KCNQ1: variants seen among roughly 807,000 people sequenced by gnomAD.
The protein encoded by KCNQ1 is potassium voltage-gated channel subfamily Q member 1.
Under a neutral mutation model 72.4 loss-of-function variants are expected in KCNQ1, and 49 were observed. That is an observed-to-expected ratio of 0.68 (90% CI 0.54 to 0.86). The LOEUF (loss-of-function observed/expected upper bound fraction) is 0.86. KCNQ1 is among the 40% of genes least tolerant of loss of function. The pLI is 0.00. For missense variants in KCNQ1, 790 were observed against 945.1 expected (o/e 0.84, Z 2.15); for synonymous variants, 450 against 412.6 (o/e 1.09, Z -1.10).
chr11:2,754,843 T>C (rs1374499239), intron 11 of KCNQ1, among the ~76,000 whole-genome samples: 2 of 152,208 alleles, frequency 1.3e-5, no homozygotes, highest in African/African-American at 2.4e-5. Context: ...AAGAAAAACA[T>C]TGGTCAATTC....
chr11:2,481,857 T>C lies in KCNQ1; in HGVS notation c.386+36373T>C, dbSNP rs1218623153. ...TGATTCTACATTATGGTGAGTTGTA[T>C]AATTATTTAATTCTATATTACAATG... On this transcript the variant is annotated intron_variant, in intron 1 of 15. Coordinates refer to ENST00000155840, the MANE Select transcript of KCNQ1 (RefSeq NM_000218.3). This position sits in a 1 kb window ranked among gnomAD's most constrained non-coding sequence, Gnocchi z 4.6. Among the ~76,000 whole-genome samples, 1 of 152,186 alleles carries C rather than the reference T, an allele frequency of 6.6e-6. No individual in the cohort carries two copies. Among genetic ancestry groups the C allele is most frequent in the Non-Finnish European group, 1.5e-5 (1 of 68,030 alleles).
rs1210445896 is a variant in KCNQ1, at chr11:2,509,987, G to A, written c.387-17941G>A. ...TTTCCTGGTGTTTAAAGGCTAATTGGGATCGGTCGTGGTGCCTCAGGCCTG... is the reference window on the plus strand; with the variant it reads ...TTTCCTGGTGTTTAAAGGCTAATTGAGATCGGTCGTGGTGCCTCAGGCCTG... On this transcript the variant is annotated intron_variant, in intron 1 of 15. Coordinates refer to ENST00000155840, the MANE Select transcript of KCNQ1 (RefSeq NM_000218.3). The surrounding 1 kb of genome is among the most constrained non-coding windows in gnomAD (Gnocchi z 6.3). Among the ~76,000 whole-genome samples the A allele has an allele frequency of 2.6e-5, 4 of 152,124 alleles. No individual in the cohort carries two copies. The highest frequency in any genetic ancestry group is 4.4e-5 in the Non-Finnish European group (3 of 68,036).
chr11:2,834,602 C>T (rs4930009), intron 15 of KCNQ1, among the ~76,000 whole-genome samples: 3 of 152,186 alleles, frequency 2.0e-5, no homozygotes, highest in South Asian at 4.2e-4. Context: ...AGAGACTGTG[C>T]GAGCAGAGGC....
At chr11:2,539,296 GCTCCTAC>G (rs1247370398) in intron 2 of KCNQ1, among the ~76,000 whole-genome samples, 2 of 152,232 alleles carry the variant, frequency 1.3e-5, no homozygotes, top group Non-Finnish European at 2.9e-5. Context: ...CCAGGTAGAA[GCTCCTAC>G]CTGCTGCTGC....
In KCNQ1 at chr11:2,550,336, G is replaced by A. The variant is rs866870430; in HGVS notation, c.478-20292G>A. ...ACACTGCAGCATCTGCATCCTTGCC[G>A]TCACCCCTCACACCCCCTGCTAGGG... is the stretch of plus-strand genomic sequence containing the variant. On this transcript the variant is annotated intron_variant, in intron 2 of 15. Transcript: ENST00000155840. This position sits in a 1 kb window ranked among gnomAD's most constrained non-coding sequence, Gnocchi z 6.0. 6.6e-6 allele frequency among the ~76,000 whole-genome samples: 1 copy of A among 152,176 alleles called. No individual in the cohort carries two copies. The highest frequency in any genetic ancestry group is 1.5e-5 in the Non-Finnish European group (1 of 68,018).
rs571999397 is a variant in KCNQ1, at chr11:2,451,367, A to G, written c.386+5883A>G. 3.5e-4 allele frequency among the ~76,000 whole-genome samples: 54 copies of G among 152,172 alleles called. No homozygotes were observed. Among genetic ancestry groups the G allele is most frequent in the Non-Finnish European group, 7.1e-4 (48 of 67,986 alleles). On this transcript the variant is annotated intron_variant, in intron 1 of 15. Coordinates refer to ENST00000155840, the MANE Select transcript of KCNQ1 (RefSeq NM_000218.3). This position sits in a 1 kb window ranked among gnomAD's most constrained non-coding sequence, Gnocchi z 6.4. ...GCTGATCCAACAGGAGGTAGAGCTC[A>G]GGTGGCCGTGCACATTCACCTGACG...
At position 2,475,273 on chromosome 11, in the gene KCNQ1, G is replaced by A. The variant is rs149422685; in HGVS notation, c.386+29789G>A. Among the ~76,000 whole-genome samples, 739 of 152,132 alleles carry A rather than the reference G, an allele frequency of 4.9e-3. 3 individuals are homozygous for A. The highest frequency in any genetic ancestry group is 0.017 in the African/African-American group (693 of 41,486). ...GTGTGTCTGGTTTCCTTCACCGAGC[G>A]TCCTGTCTTCACTGTCCGCCGTGTT... On this transcript the variant is annotated intron_variant, in intron 1 of 15. Coordinates refer to ENST00000155840, the MANE Select transcript of KCNQ1 (RefSeq NM_000218.3). The surrounding 1 kb of genome is among the most constrained non-coding windows in gnomAD (Gnocchi z 5.8).
intron 15 of KCNQ1, among the ~76,000 whole-genome samples, chr11:2,797,192 AG>A (rs1847154819): frequency 6.6e-6 from 1 of 152,092 alleles, no homozygotes; most frequent in Admixed American, 6.5e-5. Flanking sequence ...CCCTGTGAAG[AG>A]GAGGACAGTG....
rs999223349 is a variant in KCNQ1 at position 2,458,913 on chromosome 11, G to T, written c.386+13429G>T. Reference sequence around the variant, plus strand: ...CCACCAATTGTGACATATGGCCTTAGTTAGGTCCTCAATAAATGATGACAA... The same window carrying T: ...CCACCAATTGTGACATATGGCCTTATTTAGGTCCTCAATAAATGATGACAA... On this transcript the variant is annotated intron_variant, in intron 1 of 15. Transcript: ENST00000155840. This position sits in a 1 kb window ranked among gnomAD's most constrained non-coding sequence, Gnocchi z 4.6. Among the ~76,000 whole-genome samples, 2 of 152,208 alleles carry T rather than the reference G, an allele frequency of 1.3e-5. No homozygotes were observed. Among genetic ancestry groups the T allele is most frequent in the Non-Finnish European group, 2.9e-5 (2 of 68,036 alleles).
intron 10 of KCNQ1, chr11:2,640,657 A>G: frequency 2.5e-6 from 1 of 397,970 alleles, no homozygotes; most frequent in Admixed American, 4.4e-5. Context: ...CAGGGTATCC[A>G]TCACCCTCAA....
chr11:2,841,280 G>A (rs1424224716), intron 15 of KCNQ1, among the ~76,000 whole-genome samples: 3 of 152,192 alleles, frequency 2.0e-5, no homozygotes, highest in Admixed American at 6.5e-5. Context: ...GCCTCTGGGG[G>A]CACTGCAAAA....
intron 2 of KCNQ1, among the ~76,000 whole-genome samples, chr11:2,554,540 G>A (rs1014521785): frequency 7.9e-5 from 12 of 152,202 alleles, no homozygotes; most frequent in Non-Finnish European, 1.8e-4. Context: ...CTGAGAGGGG[G>A]CCTGGGCTGG....
rs1590131134 is a variant in KCNQ1 at position 2,848,523 on chromosome 11, C to G, written c.*520C>G. Reference sequence around the variant, plus strand: ...CAGGAGCCCATTTGGAGGGCCTGGGCCTGGCTCCCTCACTCTCAGGAAATG... The same window carrying G: ...CAGGAGCCCATTTGGAGGGCCTGGGGCTGGCTCCCTCACTCTCAGGAAATG... On this transcript the variant is annotated 3_prime_UTR_variant, in exon 16 of 16. Transcript: ENST00000155840. 2 of 454,768 alleles carry G rather than the reference C, an allele frequency of 4.4e-6. No homozygotes were observed. Among genetic ancestry groups the G allele is most frequent in the Non-Finnish European group, 8.8e-6 (2 of 227,264 alleles). The allele number at this position is 454,768 out of a possible 1,614,324, so 28.2% of individuals were successfully genotyped here.
chr11:2,747,441 TGCAGCCTTGCACCCTGGG>T (rs529732319), intron 11 of KCNQ1, among the ~76,000 whole-genome samples: 1 of 152,216 alleles, frequency 6.6e-6, no homozygotes, highest in East Asian at 1.9e-4. Flanking sequence ...TGCCCAGCGG[TGCAGCCTTGCACCCTGGG>T]GCAGCCGGTG....
rs1299891434 is a variant in KCNQ1 at position 2,651,085 on chromosome 11, C to G, written c.1394-10876C>G. 1 of 398,636 alleles carries G rather than the reference C, an allele frequency of 2.5e-6. No homozygotes were observed. Among genetic ancestry groups the G allele is most frequent in the Non-Finnish European group, 4.4e-6 (1 of 226,158 alleles). The allele number at this position is 398,636 out of a possible 1,614,324, so 24.7% of individuals were successfully genotyped here. ...GTTGTCCATACCTCATTACTGGTCT[C>G]TTGATTTCCACTCTTGCTTCCTGTA... On this transcript the variant is annotated intron_variant, in intron 10 of 15. Transcript: ENST00000155840. This position sits in a 1 kb window ranked among gnomAD's most constrained non-coding sequence, Gnocchi z 6.1.
rs1847289244 is a variant in KCNQ1, at chr11:2,516,364, C to G, written c.387-11564C>G. Among the ~76,000 whole-genome samples, 1 of 151,974 alleles carries G rather than the reference C, an allele frequency of 6.6e-6. No homozygotes were observed. The highest frequency in any genetic ancestry group is 2.4e-5 in the African/African-American group (1 of 41,356). On this transcript the variant is annotated intron_variant, in intron 1 of 15. Transcript: ENST00000155840. This position sits in a 1 kb window ranked among gnomAD's most constrained non-coding sequence, Gnocchi z 7.0. ...TCCCAGCGTCCCCTCATGCCTGGGA[C>G]CGCTGACCCACCGGGATTCTTGGGG...
intron 1 of KCNQ1, among the ~76,000 whole-genome samples, chr11:2,512,475 C>T (rs888194278): frequency 4.6e-5 from 7 of 152,204 alleles, no homozygotes; most frequent in Admixed American, 1.3e-4. Flanking sequence ...ATGGGACACA[C>T]GGCCACCTGG....
rs1554925302 is a variant in KCNQ1 at position 2,803,161 on chromosome 11, C to CCT, written c.1794+25125_1794+25126insTC. On this transcript the variant is annotated intron_variant, in intron 15 of 15. Coordinates refer to ENST00000155840, the MANE Select transcript of KCNQ1 (RefSeq NM_000218.3). This position sits in a 1 kb window ranked among gnomAD's most constrained non-coding sequence, Gnocchi z 6.4. ...CCCAGAAAACCCAGCCGGGCCCCCC[C>CCT]CCCCACGGGCACCCAGGAACCGCCC... 0.58 allele frequency among the ~76,000 whole-genome samples: 87,710 copies of CCT among 150,760 alleles called. 26,777 individuals are homozygous for CCT. The highest frequency in any genetic ancestry group is 0.69 in the Non-Finnish European group (46,940 of 67,896).
Position 2,735,522 on chromosome 11 carries a change from C to G in KCNQ1, c.1515-33322C>G, listed in dbSNP as rs1280649286. On this transcript the variant is annotated intron_variant, in intron 11 of 15. Transcript: ENST00000155840. This position sits in a 1 kb window ranked among gnomAD's most constrained non-coding sequence, Gnocchi z 7.7. ...GCCCCTCACCCACCCATCCACACCC[C>G]GCAGGCATCCTAGGGCCTGGCCCAC... Among the ~76,000 whole-genome samples the G allele has an allele frequency of 6.6e-6, 1 of 152,136 alleles. No homozygotes were observed. The highest frequency in any genetic ancestry group is 6.5e-5 in the Admixed American group (1 of 15,280).
Sources: allele counts gnomAD v4.1 joint callset (sites outside exome capture counted in the v4.1 genomes callset), GRCh38; gene constraint gnomAD v4.1.1; non-coding constraint Gnocchi (gnomAD v3.1); transcripts MANE v1.5; gene names NCBI Gene and HGNC (gene_info 2026-07-23, HGNC 2026-07-21).